The following SRGAP3 variants were observed in gnomAD, a reference collection of about 807,000 sequenced individuals.
SRGAP3 encodes SLIT-ROBO Rho GTPase activating protein 3, also known as SLIT-ROBO Rho GTPase-activating protein 3.
Under a neutral mutation model 121.1 loss-of-function variants are expected in SRGAP3, and 39 were observed. That is an observed-to-expected ratio of 0.32 (90% CI 0.25 to 0.42). SRGAP3 has a LOEUF of 0.42. Ranked by LOEUF, SRGAP3 falls within the 10% of genes least tolerant of loss-of-function variation. The probability of loss-of-function intolerance (pLI) is 1.00; values close to 1 mark genes in which losing one functional copy is unlikely to be tolerated. For missense variants in SRGAP3, 1,213 were observed against 1,470.6 expected, an observed-to-expected ratio of 0.82 and a Z score of 2.86; for synonymous variants, 601 against 570.0, an observed-to-expected ratio of 1.05 and a Z score of -0.77.
At chr3:9,085,130 G>C (rs1032305544) in intron 3 of SRGAP3, among the ~76,000 whole-genome samples, 7 of 152,228 alleles carry the variant, frequency 4.6e-5, no homozygotes, top group Admixed American at 2.0e-4. Context: ...TGAGGGCAAA[G>C]AGACTTTCTC....
intron 5 of SRGAP3, among the ~76,000 whole-genome samples, chr3:9,060,829 A>T (rs950975382): frequency 1.3e-5 from 2 of 152,114 alleles, no homozygotes; most frequent in African/African-American, 4.8e-5. Context: ...TAGATGAGTA[A>T]GGGCTGGACC....
At chr3:9,112,016 T>G (rs1355124798) in intron 2 of SRGAP3, among the ~76,000 whole-genome samples, 5 of 152,220 alleles carry the variant, frequency 3.3e-5, no homozygotes, top group African/African-American at 1.2e-4. Context: ...GATATGAGGT[T>G]CCAGGAGACT....
At chr3:9,275,134 A>G (rs1954547904) in intron 3 of SRGAP3, among the ~76,000 whole-genome samples, 1 of 152,158 alleles carries the variant, frequency 6.6e-6, no homozygotes, top group South Asian at 2.1e-4. Flanking sequence ...ATTTTACTGA[A>G]AAATTCTTGG....
intron 1 of SRGAP3, among the ~76,000 whole-genome samples, chr3:9,195,599 T>C (rs1332068048): frequency 6.6e-6 from 1 of 152,074 alleles, no homozygotes; most frequent in Non-Finnish European, 1.5e-5. Context: ...TACAGGTATT[T>C]CCAGAAAGGC....
rs769831839 is a variant in SRGAP3, at chr3:9,006,126, C to T, written c.2227+4182G>A. On this transcript the variant is annotated intron_variant, in intron 18 of 21. Coordinates refer to ENST00000383836, the MANE Select transcript of SRGAP3 (RefSeq NM_014850.4). ...TTCTTATGAAAAGGAGTGGGCTGGG[C>T]GTGGTGTCTCACACCTGTAATCCCA... Among the ~76,000 whole-genome samples the T allele has an allele frequency of 3.9e-5, 6 of 151,990 alleles. 1 individual carries two copies. The highest frequency in any genetic ancestry group is 1.9e-4 in the East Asian group (1 of 5,172).
intron 3 of SRGAP3, among the ~76,000 whole-genome samples, chr3:9,101,034 C>G (rs1948195516): frequency 6.6e-6 from 1 of 152,222 alleles, no homozygotes; most frequent in Admixed American, 6.5e-5. Flanking sequence ...CAGGTTTGAT[C>G]TGTTTGGCCC....
intron 1 of SRGAP3, among the ~76,000 whole-genome samples, chr3:9,174,334 G>A (rs1951096085): frequency 6.6e-6 from 1 of 152,178 alleles, no homozygotes; most frequent in Non-Finnish European, 1.5e-5. Flanking sequence ...GGTTAAGATG[G>A]TACATTTTCT....
At chr3:9,082,393 C>T (rs1362654353) in intron 3 of SRGAP3, among the ~76,000 whole-genome samples, 1 of 152,214 alleles carries the variant, frequency 6.6e-6, no homozygotes, top group Non-Finnish European at 1.5e-5. Flanking sequence ...TTGCCCCTTC[C>T]ACCATGTGAA....
At chr3:9,181,816 C>T (rs975400112) in intron 1 of SRGAP3, among the ~76,000 whole-genome samples, 17 of 152,218 alleles carry the variant, frequency 1.1e-4, no homozygotes, top group African/African-American at 3.9e-4. Context: ...TGAACTCTAA[C>T]TCTCCAAAGA....
chr3:9,299,402 G>T (rs999843688), intron 3 of SRGAP3, among the ~76,000 whole-genome samples: 3 of 150,004 alleles, frequency 2.0e-5, no homozygotes, highest in African/African-American at 7.4e-5. Flanking sequence ...GAAACTTCAA[G>T]ATAGTAGACA....
At chr3:8,986,359 G>C (rs965878972) in intron 21 of SRGAP3, among the ~76,000 whole-genome samples, 1 of 152,170 alleles carries the variant, frequency 6.6e-6, no homozygotes, top group African/African-American at 2.4e-5. Context: ...TGAAGAGCCT[G>C]GCCTGACCCC....
At chr3:9,276,085 A>G (rs1184380827) in intron 3 of SRGAP3, among the ~76,000 whole-genome samples, 1 of 152,146 alleles carries the variant, frequency 6.6e-6, no homozygotes, top group Non-Finnish European at 1.5e-5. Flanking sequence ...TGGGTTATAA[A>G]CATGTATTGA....
At chr3:9,038,623 G>A (rs1210329052) in intron 10 of SRGAP3, among the ~76,000 whole-genome samples, 2 of 152,222 alleles carry the variant, frequency 1.3e-5, no homozygotes, top group Non-Finnish European at 2.9e-5. Flanking sequence ...CCCTGCCTCT[G>A]CCTTCATTCC....
At chr3:9,318,304 A>C (rs1955382366) in intron 3 of SRGAP3, among the ~76,000 whole-genome samples, 1 of 151,802 alleles carries the variant, frequency 6.6e-6, no homozygotes, top group Non-Finnish European at 1.5e-5. Flanking sequence ...CTGGGAACCC[A>C]GAATCTACCG....
intron 18 of SRGAP3, among the ~76,000 whole-genome samples, chr3:9,004,786 T>G (rs1011783403): frequency 1.3e-5 from 2 of 152,234 alleles, no homozygotes; most frequent in African/African-American, 4.8e-5. Context: ...ATCAAAGATC[T>G]AAATGTAAGA....
At position 8,985,669 on chromosome 3, in the gene SRGAP3, G is replaced by C. The variant is rs1055980536; in HGVS notation, c.3150C>G (p.Ala1050=). 22 of 1,596,696 alleles carry C rather than the reference G, an allele frequency of 1.4e-5. No homozygotes were observed. The highest frequency in any genetic ancestry group is 1.8e-5 in the Non-Finnish European group (21 of 1,178,708). ...KPALSARLAG[A]QLRPPPMRPV... is the part of the protein sequence containing the mutation. ...GCCGCATGGGGGGCGGGCGGAGCTGGGCGCCAGCCAGGCGGGCGGACAGGG... is the reference window on the plus strand; with the variant it reads ...GCCGCATGGGGGGCGGGCGGAGCTGCGCGCCAGCCAGGCGGGCGGACAGGG... The change falls in exon 22 of 22, where the codon GCC becomes GCG. Residue 1050 remains alanine (A), a synonymous_variant. Transcript: ENST00000383836. The surrounding 1 kb of genome is among the most constrained non-coding windows in gnomAD (Gnocchi z 5.1).
chr3:9,151,253 G>A (rs971414186), intron 1 of SRGAP3, among the ~76,000 whole-genome samples: 4 of 152,160 alleles, frequency 2.6e-5, no homozygotes, highest in African/African-American at 9.7e-5. Flanking sequence ...GAGAATGGGG[G>A]AAGAGCATAC....
At chr3:9,267,512 T>C (rs1954389004) in intron 3 of SRGAP3, among the ~76,000 whole-genome samples, 2 of 152,162 alleles carry the variant, frequency 1.3e-5, no homozygotes, top group South Asian at 4.1e-4. Context: ...TTGAGGCTGT[T>C]CCGCAGGCAG....
At chr3:9,141,598 G>GTT (rs1468516969) in intron 1 of SRGAP3, among the ~76,000 whole-genome samples, 3 of 135,820 alleles carry the variant, frequency 2.2e-5, no homozygotes, top group Middle Eastern at 4.0e-3. Flanking sequence ...GTGTGTGTGT[G>GTT]TGTGTTCTTT....
Sources: allele counts gnomAD v4.1 joint callset (sites outside exome capture counted in the v4.1 genomes callset), GRCh38; gene constraint gnomAD v4.1.1; non-coding constraint Gnocchi (gnomAD v3.1); transcripts MANE v1.5; gene names NCBI Gene and HGNC (gene_info 2026-07-23, HGNC 2026-07-21).